ZNF33A: variants seen among roughly 807,000 people sequenced by gnomAD.
The protein encoded by ZNF33A is zinc finger protein 33A, also known as brain my041 protein.
In ZNF33A, 9 loss-of-function variants were observed where a neutral mutation model predicts 15.9. That is an observed-to-expected ratio of 0.57 (90% CI 0.34 to 0.99). The LOEUF is 0.99. ZNF33A is among the 50% of genes least tolerant of loss of function. ZNF33A has a pLI of 0.02. For synonymous variants in ZNF33A, 294 were observed against 324.2 expected, an observed-to-expected ratio of 0.91 and a Z score of 1.00; for missense variants, 843 against 941.6, an observed-to-expected ratio of 0.90 and a Z score of 1.37.
At chr10:38,017,594 G>T in intron 4 of ZNF33A, 1 of 391,548 alleles carries the variant, frequency 2.6e-6, no homozygotes, top group Non-Finnish European at 4.6e-6. Context: ...TTTTTTGAAT[G>T]TTTACTATTC....
At chr10:38,019,636 A>C (rs2064646696) in intron 4 of ZNF33A, among the ~76,000 whole-genome samples, 1 of 152,222 alleles carries the variant, frequency 6.6e-6, no homozygotes, top group Admixed American at 6.5e-5. Context: ...GTATCTTTTG[A>C]AACTATCTTC....
At position 38,057,465 on chromosome 10, in the gene ZNF33A, G is replaced by A. The variant is rs1337561352; in HGVS notation, c.*905G>A. The A allele has an allele frequency of 1.8e-5, 18 of 985,274 alleles. No homozygotes were observed. The highest frequency in any genetic ancestry group is 2.2e-5 in the Non-Finnish European group (18 of 829,932). 61.0% of individuals were successfully genotyped at this position (985,274 alleles called of 1,614,324 possible). ...GTGATATAAATCGTGTGTTTCATATGCATAATGGAATTTAACGTAATTGTG... is the reference window on the plus strand; with the variant it reads ...GTGATATAAATCGTGTGTTTCATATACATAATGGAATTTAACGTAATTGTG... On this transcript the variant is annotated 3_prime_UTR_variant, in exon 5 of 5. Coordinates refer to ENST00000432900, the MANE Select transcript of ZNF33A (RefSeq NM_006954.2).
chr10:38,045,527 T>C (rs767287646), intron 4 of ZNF33A, among the ~76,000 whole-genome samples: 1 of 152,240 alleles, frequency 6.6e-6, no homozygotes, highest in Non-Finnish European at 1.5e-5. Context: ...GTTTGCTTTT[T>C]ATGTTGCCAT....
Position 38,055,263 on chromosome 10 carries a change from C to A in ZNF33A, c.1139C>A (p.Thr380Lys), listed in dbSNP as rs1446371303. The A allele has an allele frequency of 6.2e-7, 1 of 1,614,114 alleles. No homozygotes were observed. Among genetic ancestry groups the A allele is most frequent in the Non-Finnish European group, 8.5e-7 (1 of 1,179,982 alleles). ...SNLTKHQRSH[T>K]GEKPFECNEC... Reference sequence around the variant, plus strand: ...CTCACTAAACATCAAAGATCACACACAGGGGAGAAACCTTTTGAATGCAAT... The same window carrying A: ...CTCACTAAACATCAAAGATCACACAAAGGGGAGAAACCTTTTGAATGCAAT... The change falls in exon 5 of 5, where the codon ACA (threonine) becomes AAA (lysine). Residue 380 changes from threonine to lysine, a missense_variant. Physicochemically the swap from Thr to Lys is moderately conservative, Grantham distance 78. Coordinates refer to ENST00000432900, the MANE Select transcript of ZNF33A (RefSeq NM_006954.2).
chr10:38,049,692 A>G (rs2066109143), intron 4 of ZNF33A, among the ~76,000 whole-genome samples: 1 of 152,172 alleles, frequency 6.6e-6, no homozygotes, highest in African/African-American at 2.4e-5. Context: ...TTCCACTTTG[A>G]GAATGTAGAA....
At chr10:38,051,302 C>A (rs2066191517) in intron 4 of ZNF33A, among the ~76,000 whole-genome samples, 1 of 152,090 alleles carries the variant, frequency 6.6e-6, no homozygotes, top group Admixed American at 6.6e-5. Flanking sequence ...TTTATATATA[C>A]CGAAACTTGT....
At chr10:38,051,286 C>G (rs2066190558) in intron 4 of ZNF33A, among the ~76,000 whole-genome samples, 1 of 152,086 alleles carries the variant, frequency 6.6e-6, no homozygotes, top group African/African-American at 2.4e-5. Context: ...TACTGCTACT[C>G]CAGTCTTTAT....
At chr10:38,032,415 T>G (rs1336176919) in intron 4 of ZNF33A, among the ~76,000 whole-genome samples, 1 of 152,184 alleles carries the variant, frequency 6.6e-6, no homozygotes, top group Admixed American at 6.5e-5. Flanking sequence ...TGTTAGTGTA[T>G]TTGCAGGATT....
chr10:38,054,369 T>C lies in ZNF33A; in HGVS notation c.251-6T>C. ...ATGTGGTAAGATTAATTTTGCTTGT[T>C]TCTAGAAGTCTGGACAGCTGATCAC... On this transcript the variant is annotated splice_region_variant and splice_polypyrimidine_tract_variant and intron_variant, in intron 4 of 4. Transcript: ENST00000432900. 12 of 1,528,700 alleles carry C rather than the reference T, an allele frequency of 7.8e-6. No individual in the cohort carries two copies. The highest frequency in any genetic ancestry group is 1.0e-5 in the Non-Finnish European group (12 of 1,144,928). The allele number at this position is 1,528,700 out of a possible 1,614,324, so 94.7% of individuals were successfully genotyped here.
At chr10:38,025,554 A>G (rs747416341) in intron 4 of ZNF33A, among the ~76,000 whole-genome samples, 12 of 152,268 alleles carry the variant, frequency 7.9e-5, no homozygotes, top group Non-Finnish European at 1.6e-4. Flanking sequence ...TCTGCAAGCT[A>G]GGAAGAGGCC....
At chr10:38,018,905 CTG>C (rs1196729647) in intron 4 of ZNF33A, among the ~76,000 whole-genome samples, 4 of 151,582 alleles carry the variant, frequency 2.6e-5, no homozygotes, top group African/African-American at 7.3e-5. Flanking sequence ...CAAACTCACA[CTG>C]TAATTAAATT....
intron 4 of ZNF33A, among the ~76,000 whole-genome samples, chr10:38,035,737 C>G (rs1474042087): frequency 4.0e-4 from 61 of 152,214 alleles, no homozygotes; most frequent in Non-Finnish European, 1.8e-4. Context: ...CCTTGAAATA[C>G]ACAAACTACC....
At chr10:38,065,801 A>G (rs1486425169), downstream of ZNF33A, among the ~76,000 whole-genome samples, 2 of 151,466 alleles carry the variant, frequency 1.3e-5, no homozygotes, top group East Asian at 2.0e-4. Context: ...ACCTCCGCCA[A>G]CCGGGTTCAA....
downstream of ZNF33A, chr10:38,064,949 A>G (rs2066695591): frequency 6.6e-6 from 1 of 151,708 alleles, no homozygotes; most frequent in African/African-American, 2.4e-5. Flanking sequence ...TTCCAGATGC[A>G]ATACTAGATA....
chr10:38,037,585 A>G (rs2065509254), intron 4 of ZNF33A, among the ~76,000 whole-genome samples: 1 of 152,082 alleles, frequency 6.6e-6, no homozygotes, highest in East Asian at 1.9e-4. Context: ...CAGCCTCCCA[A>G]AGTGCTAGGA....
chr10:38,065,502 C>T (rs535543454), downstream of ZNF33A, among the ~76,000 whole-genome samples: 12 of 152,222 alleles, frequency 7.9e-5, no homozygotes, highest in African/African-American at 2.7e-4. Context: ...AAAACTGTTA[C>T]ATCTGTTCTC....
intron 2 of ZNF33A, 112 bp downstream of exon 2, chr10:38,012,462 C>G (rs993910740): frequency 3.1e-5 from 38 of 1,215,844 alleles, no homozygotes; most frequent in Non-Finnish European, 4.0e-5. Context: ...GACGGAGTCT[C>G]ACTCTGTCAC....
At chr10:38,023,491 A>G (rs928275847) in intron 4 of ZNF33A, among the ~76,000 whole-genome samples, 3 of 152,238 alleles carry the variant, frequency 2.0e-5, no homozygotes, top group Non-Finnish European at 4.4e-5. Flanking sequence ...TAATTAACCC[A>G]GCATAGGCTA....
At chr10:38,043,305 C>T (rs1227058010) in intron 4 of ZNF33A, among the ~76,000 whole-genome samples, 1 of 138,318 alleles carries the variant, frequency 7.2e-6, no homozygotes, top group African/African-American at 2.8e-5. Flanking sequence ...AATAAGAACA[C>T]ATGGACACAG....
Sources: allele counts gnomAD v4.1 joint callset (sites outside exome capture counted in the v4.1 genomes callset), GRCh38; gene constraint gnomAD v4.1.1; transcripts MANE v1.5; gene names NCBI Gene and HGNC (gene_info 2026-07-23, HGNC 2026-07-21).